The following COL6A1 variants were observed in gnomAD, a reference collection of about 807,000 sequenced individuals.
The protein encoded by COL6A1 is collagen alpha-1(VI) chain.
In COL6A1, 80 loss-of-function variants were observed where a neutral mutation model predicts 145.6. That is an observed-to-expected ratio of 0.55 (90% confidence interval 0.46 to 0.66). The LOEUF (loss-of-function observed/expected upper bound fraction) is 0.66. Among genes scored for constraint, COL6A1 ranks in the 30% least tolerant of loss-of-function variants. The pLI is 0.00. For missense variants in COL6A1, 1,364 were observed against 1,473.8 expected (o/e 0.93, Z 1.22); for synonymous variants, 638 against 622.8 (o/e 1.02, Z -0.36).
At chr21:45,992,520 G>C in intron 18 of COL6A1, 122 bp downstream of exon 18, 1 of 1,266,532 alleles carries the variant, frequency 7.9e-7, no homozygotes, top group Non-Finnish European at 1.1e-6. Flanking sequence ...AGACAAATGG[G>C]TTTCTTCACC....
At chr21:45,982,551 G>A in intron 1 of COL6A1, 83 bp from the exon 2 acceptor site, 3 of 1,599,296 alleles carry the variant, frequency 1.9e-6, no homozygotes, top group Non-Finnish European at 2.6e-6. Context: ...TGCAGGCGCT[G>A]GGCTGGCCGG....
intron 8 of COL6A1, among the ~76,000 whole-genome samples, chr21:45,988,506 G>C (rs1162214793): frequency 6.6e-6 from 1 of 152,118 alleles, no homozygotes; most frequent in African/African-American, 2.4e-5. Flanking sequence ...CAGCAGGCAG[G>C]CTCCGGCCGT....
At chr21:45,982,537 G>T in intron 1 of COL6A1, 97 bp from the exon 2 acceptor site, 1 of 1,577,054 alleles carries the variant, frequency 6.3e-7, no homozygotes, top group Non-Finnish European at 8.7e-7. Context: ...CCGGGGCTCT[G>T]TGCTGCAGGC....
At chr21:45,989,558 C>T (rs777907739) in intron 9 of COL6A1, 50 bp from the exon 10 acceptor site, 5 of 1,592,864 alleles carry the variant, frequency 3.1e-6, no homozygotes, top group Non-Finnish European at 3.4e-6. Flanking sequence ...GGGACTGGCC[C>T]CTGCCCCTGC....
At chr21:46,002,095 C>T (rs1351561413) in intron 31 of COL6A1, 25 bp downstream of exon 31, 2 of 1,595,994 alleles carry the variant, frequency 1.3e-6, no homozygotes, top group Non-Finnish European at 1.7e-6. Context: ...CGGCCAGGAC[C>T]CTCCCACCCC....
At position 46,003,522 on chromosome 21, in the gene COL6A1, G is replaced by C; in HGVS notation, c.2596G>C (p.Asp866His). Residue 866 changes from aspartate to histidine, a missense_variant, in exon 35 of 35, where the codon GAC becomes CAC. Around this residue, in one of 3 missense-constraint regions of COL6A1, gnomAD observed 938 missense variants for 1,003.8 expected, o/e 0.93. Coordinates refer to ENST00000361866, the MANE Select transcript of COL6A1 (RefSeq NM_001848.3). ...AERFLTAGRTDPAHDVRVAVV... is the reference protein window; with the variant it reads ...AERFLTAGRTHPAHDVRVAVV... ...GCGCTTCCTCACAGCGGGCAGGACG[G>C]ACCCCGCCCACGACGTGCGGGTGGC... is the stretch of plus-strand genomic sequence containing the variant. The C allele has an allele frequency of 6.2e-7, 1 of 1,611,636 alleles. No homozygotes were observed. The highest frequency in any genetic ancestry group is 1.7e-4 in the Middle Eastern group (1 of 6,058).
intron 18 of COL6A1, 138 bp from the exon 19 acceptor site, chr21:45,992,610 G>T: frequency 9.5e-7 from 1 of 1,058,042 alleles, no homozygotes; most frequent in Non-Finnish European, 1.4e-6. Context: ...CTCTGCAACC[G>T]TGGGGCATGC....
chr21:45,992,976 C>T (rs566910791), intron 19 of COL6A1, among the ~76,000 whole-genome samples, 166 bp downstream of exon 19: 16 of 152,368 alleles, frequency 1.1e-4, no homozygotes, highest in Admixed American at 3.3e-4. Flanking sequence ...CTGAAGCCGG[C>T]GCCCAGCCAT....
At chr21:45,982,884 C>A in intron 2 of COL6A1, 121 bp downstream of exon 2, 1 of 1,438,728 alleles carries the variant, frequency 7.0e-7, no homozygotes, top group East Asian at 2.3e-5. Flanking sequence ...GAGCGTTGCC[C>A]TGACCGGGGC....
At chr21:46,000,150 C>A (rs2077834994) in intron 27 of COL6A1, among the ~76,000 whole-genome samples, 181 bp from the exon 28 acceptor site, 1 of 150,692 alleles carries the variant, frequency 6.6e-6, no homozygotes, top group Admixed American at 6.6e-5. Flanking sequence ...ATGACCACGT[C>A]AGGGGTCCAG....
intron 28 of COL6A1, 151 bp from the exon 29 acceptor site, chr21:46,000,608 G>A (rs577103426): frequency 2.3e-5 from 31 of 1,334,010 alleles, no homozygotes; most frequent in Admixed American, 8.7e-5. Context: ...CCGGGGAGGC[G>A]GGGAGGCGGG....
At position 45,987,839 on chromosome 21, in the gene COL6A1, G is replaced by T. The variant is rs184706765; in HGVS notation, c.804+185G>T. On this transcript the variant is annotated intron_variant, in intron 8 of 34. Transcript: ENST00000361866. ...GGGAGTCCAGATGGAGGGGATGGCGGGGTCCAGATGGAGGGGACGGCGGGG... is the reference window on the plus strand; with the variant it reads ...GGGAGTCCAGATGGAGGGGATGGCGTGGTCCAGATGGAGGGGACGGCGGGG... Among the ~76,000 whole-genome samples, 36 of 19,972 alleles carry T rather than the reference G, an allele frequency of 1.8e-3. 5 individuals carry two copies. The highest frequency in any genetic ancestry group is 8.6e-3 in the African/African-American group (26 of 3,032). The allele number at this position is 19,972 out of a possible 152,430, so 13.1% of individuals were successfully genotyped here.
chr21:45,983,311 C>G (rs940493355), intron 2 of COL6A1, among the ~76,000 whole-genome samples: 4 of 151,836 alleles, frequency 2.6e-5, no homozygotes. Context: ...GCACCCTCTG[C>G]TCCACGTTCC....
At chr21:45,991,132 G>C in intron 15 of COL6A1, 91 bp downstream of exon 15, 1 of 1,427,418 alleles carries the variant, frequency 7.0e-7, no homozygotes. Context: ...GTCCTGGTCC[G>C]AGCATGTCGG....
Position 45,987,655 on chromosome 21 carries a change from G to A in COL6A1, c.804+1G>A, listed in dbSNP as rs1385646650. On this transcript the variant is annotated splice_donor_variant, in intron 8 of 34. Transcript: ENST00000361866. LOFTEE classifies it high-confidence loss of function. ...GCTCCGGGGCGACCCCGGCTTTGAG[G>A]TGAGTGGTGACTCCTGCTCCTCCCA... 1 of 1,609,064 alleles carries A rather than the reference G, an allele frequency of 6.2e-7. No homozygotes were observed. Among genetic ancestry groups the A allele is most frequent in the Admixed American group, 1.7e-5 (1 of 59,876 alleles).
intron 2 of COL6A1, 31 bp downstream of exon 2, chr21:45,982,794 G>A (rs375702559): frequency 1.2e-5 from 20 of 1,609,000 alleles, no homozygotes; most frequent in Non-Finnish European, 1.6e-5. Context: ...CCTTCCTCCT[G>A]TGCTTCTGGG....
Position 46,002,359 on chromosome 21 carries a change from G to GCTCA in COL6A1, c.2208_2209insCTCA (p.Asp737LeufsTer26). 6.3e-7 allele frequency: 1 copy of GCTCA among 1,593,816 alleles called. No homozygotes were observed. The highest frequency in any genetic ancestry group is 8.5e-7 in the Non-Finnish European group (1 of 1,170,766). On this transcript the variant is annotated frameshift_variant, in exon 32 of 35. Transcript: ENST00000361866. LOFTEE classifies it high-confidence loss of function. ...CTGACGGGCGCTCAGACACTCAGAG[G>GCTCA]GACACCACACCGCTCAACGTGCTCT... is the stretch of plus-strand genomic sequence containing the variant.
Position 46,002,623 on chromosome 21 carries a change from C to T in COL6A1, c.2347C>T (p.Arg783Trp), listed in dbSNP as rs779362329. Residue 783 changes from arginine (R) to tryptophan (W), a missense_variant, in exon 33 of 35, where the codon CGG (arginine) becomes TGG (tryptophan). Around this residue, in one of 3 missense-constraint regions of COL6A1, gnomAD observed 938 missense variants for 1,003.8 expected, o/e 0.93. Coordinates refer to ENST00000361866, the MANE Select transcript of COL6A1 (RefSeq NM_001848.3). Reference protein sequence around the residue: ...SCQGLAPSQGRPGLSLVKENY... With the variant: ...SCQGLAPSQGWPGLSLVKENY... ...CCAAGGCCTGGCACCATCCCAGGGC[C>T]GGCCCGGCCTCTCGCTGGTCAAGGA... 18 of 1,613,968 alleles carry T rather than the reference C, an allele frequency of 1.1e-5. No homozygotes were observed. In the East Asian group the frequency reaches 1.6e-4, roughly 14 times the overall value.
At chr21:45,996,430 ACTAGATGC>A (rs1569518597) in intron 20 of COL6A1, among the ~76,000 whole-genome samples, 1 of 152,194 alleles carries the variant, frequency 6.6e-6, no homozygotes, top group East Asian at 1.9e-4. Flanking sequence ...AGAGCAATAC[ACTAGATGC>A]CTCCTGTCTG....
Sources: allele counts gnomAD v4.1 joint callset (sites outside exome capture counted in the v4.1 genomes callset), GRCh38; gene constraint gnomAD v4.1.1; regional missense constraint gnomAD v4.1.1; transcripts MANE v1.5; gene names NCBI Gene and HGNC (gene_info 2026-07-23, HGNC 2026-07-21).